The following TSPAN18 variants were observed in gnomAD, a reference collection of about 807,000 sequenced individuals.
TSPAN18 encodes the protein tetraspanin 18.
A neutral mutation model predicts 27.3 loss-of-function variants in TSPAN18; 14 were observed. The observed-to-expected ratio is 0.51, with a 90% CI of 0.34 to 0.80. The LOEUF (loss-of-function observed/expected upper bound fraction) is 0.80, where lower values mean the gene tolerates loss of function less well. TSPAN18 is among the 30% of genes least tolerant of loss of function. TSPAN18 has a pLI of 0.01. For synonymous variants in TSPAN18, 143 were observed against 136.5 expected (o/e 1.05, Z -0.33); for missense variants, 268 against 323.9 (o/e 0.83, Z 1.32).
At chr11:44,919,598 G>A (rs1197127424) in intron 7 of TSPAN18, 2 of 615,196 alleles carry the variant, frequency 3.3e-6, no homozygotes, top group Admixed American at 2.9e-5. Context: ...CGCCTGGTGA[G>A]GTAGGAATTG....
At chr11:44,803,884 C>T (rs1856534783) in intron 2 of TSPAN18, among the ~76,000 whole-genome samples, 1 of 152,160 alleles carries the variant, frequency 6.6e-6, no homozygotes, top group Non-Finnish European at 1.5e-5. Context: ...TGTTATGATT[C>T]TTACTCCGTC....
chr11:44,878,259 G>A (rs550512101), intron 3 of TSPAN18, among the ~76,000 whole-genome samples: 13 of 152,212 alleles, frequency 8.5e-5, no homozygotes, highest in East Asian at 5.8e-4. Context: ...CTGGCCGGGC[G>A]TGTAAGAACG....
chr11:44,764,832 A>G (rs913483262), intron 2 of TSPAN18, among the ~76,000 whole-genome samples: 8 of 152,148 alleles, frequency 5.3e-5, no homozygotes, highest in African/African-American at 1.4e-4. Flanking sequence ...TGGAATCTGT[A>G]TCAAGGACCC....
intron 7 of TSPAN18, 108 bp from the exon 8 acceptor site, chr11:44,919,709 A>T: frequency 8.7e-7 from 1 of 1,148,980 alleles, no homozygotes; most frequent in Non-Finnish European, 1.3e-6. Context: ...GCCCGCCCAC[A>T]CCCAGTCTTC....
chr11:44,836,537 G>T (rs1857267215), intron 2 of TSPAN18, among the ~76,000 whole-genome samples: 1 of 152,228 alleles, frequency 6.6e-6, no homozygotes, highest in African/African-American at 2.4e-5. Flanking sequence ...TTATCTAGAA[G>T]ATCTAGCTAA....
chr11:44,788,751 G>A (rs1856122786), intron 2 of TSPAN18, among the ~76,000 whole-genome samples: 1 of 152,142 alleles, frequency 6.6e-6, no homozygotes, highest in Non-Finnish European at 1.5e-5. Context: ...CCGGCCTGGA[G>A]GAGGGGTTTT....
chr11:44,883,786 G>A (rs955576883), intron 3 of TSPAN18, among the ~76,000 whole-genome samples: 19 of 152,232 alleles, frequency 1.2e-4, no homozygotes, highest in Non-Finnish European at 1.9e-4. Context: ...CTCTGAGCCC[G>A]GATGCTGGAG....
chr11:44,825,032 G>C lies in TSPAN18; in HGVS notation c.-152-35296G>C, dbSNP rs1968703. Among the ~76,000 whole-genome samples the C allele has an allele frequency of 0.053, 8,007 of 152,226 alleles. 1,353 individuals carry two copies. In the East Asian group the frequency reaches 0.58, roughly 11 times the overall value. ...GGTCAGACAACAATAGGGGCATGAA[G>C]CTGTGCCAGTGCTGGAGCTTTACCT... On this transcript the variant is annotated intron_variant, in intron 2 of 9. Transcript: ENST00000520358.
intron 1 of TSPAN18, among the ~76,000 whole-genome samples, chr11:44,755,543 G>C (rs1855311463): frequency 1.3e-5 from 2 of 152,040 alleles, no homozygotes; most frequent in African/African-American, 2.4e-5. Context: ...TGCTGAGCTG[G>C]GGACGCAGCC....
chr11:44,766,980 T>C (rs1565139789), intron 2 of TSPAN18, among the ~76,000 whole-genome samples: 1 of 152,180 alleles, frequency 6.6e-6, no homozygotes, highest in Non-Finnish European at 1.5e-5. Flanking sequence ...CCCTGTTTGC[T>C]TTGAACAATG....
chr11:44,830,436 G>A (rs1857131329), intron 2 of TSPAN18, among the ~76,000 whole-genome samples: 1 of 152,234 alleles, frequency 6.6e-6, no homozygotes, highest in African/African-American at 2.4e-5. Flanking sequence ...GGTGTGGCTT[G>A]ATATTTATTT....
intron 2 of TSPAN18, among the ~76,000 whole-genome samples, chr11:44,830,756 T>C (rs1288088703): frequency 6.6e-6 from 1 of 152,188 alleles, no homozygotes; most frequent in Non-Finnish European, 1.5e-5. Context: ...GGCTTTAGGA[T>C]CTGGAAGATA....
chr11:44,744,191 G>T (rs749070809), intron 1 of TSPAN18, among the ~76,000 whole-genome samples: 1 of 152,154 alleles, frequency 6.6e-6, no homozygotes, highest in African/African-American at 2.4e-5. Context: ...CTGGGTTTGC[G>T]TGTATTATCG....
chr11:44,903,480 G>T (rs1859340706), intron 3 of TSPAN18: 2 of 456,506 alleles, frequency 4.4e-6, no homozygotes, highest in South Asian at 3.1e-5. Context: ...TGTAGAGGTT[G>T]GGTTCCAGCA....
chr11:44,910,667 T>C (rs1217169674), intron 5 of TSPAN18, among the ~76,000 whole-genome samples: 2 of 152,246 alleles, frequency 1.3e-5, no homozygotes, highest in African/African-American at 4.8e-5. Flanking sequence ...AACGGTATGA[T>C]ATGGCCTCTG....
intron 3 of TSPAN18, among the ~76,000 whole-genome samples, chr11:44,900,612 T>C (rs1859223279): frequency 6.7e-6 from 1 of 149,782 alleles, no homozygotes; most frequent in Admixed American, 6.7e-5. Flanking sequence ...TGTATGCCAG[T>C]GGTTACTATT....
chr11:44,910,854 G>A (rs1859682940), intron 5 of TSPAN18, among the ~76,000 whole-genome samples: 2 of 152,216 alleles, frequency 1.3e-5, no homozygotes, highest in Admixed American at 1.3e-4. Flanking sequence ...CTGGTTTGAG[G>A]GTACTCCCTG....
intron 3 of TSPAN18, among the ~76,000 whole-genome samples, chr11:44,873,311 G>A (rs1858245285): frequency 6.6e-6 from 1 of 152,182 alleles, no homozygotes; most frequent in African/African-American, 2.4e-5. Context: ...AGGGACCTAT[G>A]TGGTCTGGGC....
At chr11:44,831,767 C>T (rs1857159179) in intron 2 of TSPAN18, among the ~76,000 whole-genome samples, 1 of 152,134 alleles carries the variant, frequency 6.6e-6, no homozygotes, top group Admixed American at 6.5e-5. Flanking sequence ...GAGATGAATA[C>T]ATAACATGAC....
Sources: allele counts gnomAD v4.1 joint callset (sites outside exome capture counted in the v4.1 genomes callset), GRCh38; gene constraint gnomAD v4.1.1; transcripts MANE v1.5; gene names NCBI Gene and HGNC (gene_info 2026-07-23, HGNC 2026-07-21).